The following GATAD2A variants were observed in gnomAD, a reference collection of about 807,000 sequenced individuals.
GATAD2A encodes GATA zinc finger domain containing 2A, also known as transcriptional repressor p66-alpha.
Under a neutral mutation model 68.5 loss-of-function variants are expected in GATAD2A, and 12 were observed. The ratio of observed to expected loss-of-function variants is 0.18; its 90% CI spans 0.11 to 0.28. The LOEUF (loss-of-function observed/expected upper bound fraction) is 0.28, where lower values mean the gene tolerates loss of function less well. GATAD2A is among the 10% of genes least tolerant of loss of function. The pLI, the probability that GATAD2A is intolerant of heterozygous loss-of-function variation, is 1.00. For missense variants in GATAD2A, 755 were observed against 868.5 expected (o/e 0.87, Z 1.64); for synonymous variants, 410 against 375.3 (o/e 1.09, Z -1.07).
At chr19:19,425,280 G>A (rs1252183139) in intron 1 of GATAD2A, among the ~76,000 whole-genome samples, 1 of 152,168 alleles carries the variant, frequency 6.6e-6, no homozygotes, top group East Asian at 1.9e-4. Context: ...ATTCTCCTAT[G>A]ATGGAGGCAG....
intron 1 of GATAD2A, among the ~76,000 whole-genome samples, chr19:19,433,696 TA>T (rs1262626276): frequency 6.6e-6 from 1 of 152,214 alleles, no homozygotes; most frequent in Non-Finnish European, 1.5e-5. Context: ...AGAGAGTGTA[TA>T]ACATACAACA....
rs1313319157 is a variant in GATAD2A, at chr19:19,507,391, G to C, written c.*1917G>C. ...TCCATGACAGGGGCCAGATCTTCCA[G>C]CTCCTCCCAGAAGGAGCACCCAGGC... is the stretch of plus-strand genomic sequence containing the variant. On this transcript the variant is annotated 3_prime_UTR_variant, in exon 12 of 12. Coordinates refer to ENST00000683918, the MANE Select transcript of GATAD2A (RefSeq NM_001384528.1). The C allele has an allele frequency of 6.6e-6, 1 of 152,140 alleles. No individual in the cohort carries two copies. The highest frequency in any genetic ancestry group is 1.5e-5 in the Non-Finnish European group (1 of 68,054). 9.4% of individuals were successfully genotyped at this position (152,140 alleles called of 1,614,324 possible).
At chr19:19,495,671 A>G (rs1276445149) in intron 5 of GATAD2A, 83 bp from the exon 6 acceptor site, 1 of 1,232,872 alleles carries the variant, frequency 8.1e-7, no homozygotes, top group Non-Finnish European at 1.1e-6. Context: ...ATGTACTTTC[A>G]TAAAAGCAGC....
At chr19:19,455,208 G>A (rs781428502) in intron 1 of GATAD2A, among the ~76,000 whole-genome samples, 4 of 151,648 alleles carry the variant, frequency 2.6e-5, no homozygotes, top group African/African-American at 7.3e-5. Context: ...TTTTTTTGGG[G>A]GCTGGGCACG....
intron 1 of GATAD2A, among the ~76,000 whole-genome samples, chr19:19,412,498 G>A (rs898726917): frequency 4.6e-5 from 7 of 151,954 alleles, no homozygotes; most frequent in African/African-American, 1.7e-4. Context: ...CAGGTGTGGT[G>A]GCATGCATCT....
At chr19:19,475,294 T>C (rs546354545) in intron 2 of GATAD2A, among the ~76,000 whole-genome samples, 1 of 152,356 alleles carries the variant, frequency 6.6e-6, no homozygotes, top group Admixed American at 6.5e-5. Flanking sequence ...TTTGTGGCCC[T>C]CACACTGGCT....
At position 19,498,511 on chromosome 19, in the gene GATAD2A, G is replaced by GGCCTCTGTGGTC; in HGVS notation, c.994_1005dup (p.Ala332_Val335dup). On this transcript the variant is annotated inframe_insertion, in exon 8 of 12. Coordinates refer to ENST00000683918, the MANE Select transcript of GATAD2A (RefSeq NM_001384528.1). ...AGGCCAACTCCACCCCCACTAGTGT[G>GGCCTCTGTGGTC]GCCTCTGTGGTCACCTCTGCCGAGT... 1 of 1,613,918 alleles carries GGCCTCTGTGGTC rather than the reference G, an allele frequency of 6.2e-7. No homozygotes were observed. The highest frequency in any genetic ancestry group is 8.5e-7 in the Non-Finnish European group (1 of 1,179,950).
At chr19:19,419,434 A>G (rs995584257) in intron 1 of GATAD2A, among the ~76,000 whole-genome samples, 3 of 150,682 alleles carry the variant, frequency 2.0e-5, no homozygotes, top group African/African-American at 2.4e-5. Flanking sequence ...GGGAGTTTCT[A>G]GCAATTCAGT....
chr19:19,428,730 C>T (rs1163586502), intron 1 of GATAD2A, among the ~76,000 whole-genome samples: 2 of 152,112 alleles, frequency 1.3e-5, no homozygotes, highest in Non-Finnish European at 2.9e-5. Flanking sequence ...TGGGACACAG[C>T]CTCTGCCATA....
At chr19:19,427,523 G>A (rs1054436239) in intron 1 of GATAD2A, 8 of 152,088 alleles carry the variant, frequency 5.3e-5, no homozygotes, top group Admixed American at 3.9e-4. Context: ...GTTAGAGTGC[G>A]GATATTCTAT....
At chr19:19,440,631 G>A (rs79452353) in intron 1 of GATAD2A, 11,525 of 153,168 alleles carry the variant, frequency 0.075, 1,499 homozygotes, top group African/African-American at 0.26. Flanking sequence ...AGGGCACTGG[G>A]AGACTTTTTC....
At chr19:19,432,895 A>G (rs991634555) in intron 1 of GATAD2A, among the ~76,000 whole-genome samples, 4 of 152,138 alleles carry the variant, frequency 2.6e-5, no homozygotes, top group African/African-American at 7.2e-5. Context: ...CAGAGAATAT[A>G]GTTTGGAGAC....
chr19:19,435,072 G>A (rs1209686830), intron 1 of GATAD2A: 4 of 531,342 alleles, frequency 7.5e-6, no homozygotes. Context: ...TGTGACCCTG[G>A]GCAAGTTCCT....
upstream of GATAD2A, among the ~76,000 whole-genome samples, chr19:19,403,635 A>G (rs2146991411): frequency 6.6e-6 from 1 of 152,166 alleles, no homozygotes; most frequent in East Asian, 1.9e-4. Flanking sequence ...GAATCTGTAT[A>G]TCTGTCTCAA....
chr19:19,466,881 C>T (rs879509682), intron 2 of GATAD2A, among the ~76,000 whole-genome samples: 2 of 152,198 alleles, frequency 1.3e-5, no homozygotes, highest in African/African-American at 2.4e-5. Context: ...TCCATGACAG[C>T]TCAGCAGGGG....
At chr19:19,460,193 T>A (rs529766446) in intron 1 of GATAD2A, among the ~76,000 whole-genome samples, 1 of 152,096 alleles carries the variant, frequency 6.6e-6, no homozygotes, top group Non-Finnish European at 1.5e-5. Context: ...CTGAAGGGGG[T>A]ACAGATCCAG....
At position 19,501,399 on chromosome 19, in the gene GATAD2A, C is replaced by T; in HGVS notation, c.1486C>T (p.His496Tyr). 6.2e-7 allele frequency: 1 copy of T among 1,601,106 alleles called. No individual in the cohort carries two copies. Among genetic ancestry groups the T allele is most frequent in the Non-Finnish European group, 8.5e-7 (1 of 1,174,588 alleles). The change falls in exon 9 of 12, where the codon CAC (histidine) becomes TAC (tyrosine). Residue 496 changes from histidine to tyrosine, a missense_variant. His to Tyr is a moderately conservative substitution (Grantham distance 83). Transcript: ENST00000683918. ...CAAGGCCGAGCCCACCGCTGCCCCA[C>T]ACCCCGTGCTGAAGCAGGTGAGCCT... ...QAKAEPTAAP[H>Y]PVLKQVIKPR...
chr19:19,437,164 CTG>C (rs750836651), intron 1 of GATAD2A, among the ~76,000 whole-genome samples: 10 of 152,214 alleles, frequency 6.6e-5, no homozygotes, highest in Admixed American at 2.0e-4. Context: ...GGGTCTCACT[CTG>C]TCACCCAGGC....
intron 11 of GATAD2A, among the ~76,000 whole-genome samples, chr19:19,504,169 G>T (rs1247274904): frequency 6.6e-6 from 1 of 152,218 alleles, no homozygotes; most frequent in Non-Finnish European, 1.5e-5. Flanking sequence ...TTGTGCCACT[G>T]CACTCCAGCC....
Sources: gnomAD v4.1 joint callset for allele counts (sites outside exome capture counted in the v4.1 genomes callset) on GRCh38, gnomAD v4.1.1 for gene constraint, MANE v1.5 for transcripts, NCBI Gene and HGNC (gene_info 2026-07-23, HGNC 2026-07-21) for gene names.